The following SMO variants were observed in gnomAD, a reference collection of about 807,000 sequenced individuals.
The protein encoded by SMO is smoothened, frizzled class receptor, also known as protein smoothened.
In SMO, 40 loss-of-function variants were observed where a neutral mutation model predicts 81.6. The ratio of observed to expected loss-of-function variants is 0.49; its 90% CI spans 0.38 to 0.64. The LOEUF is 0.64. Ranked by LOEUF, SMO falls within the 30% of genes least tolerant of loss-of-function variation. SMO has a pLI of 0.00. For synonymous variants in SMO, 434 were observed against 432.1 expected, an observed-to-expected ratio of 1.00 and a Z score of -0.05; for missense variants, 916 against 1,061.1, an observed-to-expected ratio of 0.86 and a Z score of 1.90.
chr7:129,210,267 C>T lies in SMO; in HGVS notation c.1467-96C>T, dbSNP rs79893933. ...CTGCAGTGGGTTGTGATCACGCCAC[C>T]GCACTCTAGCCTGGGTGACAGAGCA... On this transcript the variant is annotated intron_variant, in intron 8 of 11. Transcript: ENST00000249373. The surrounding 1 kb of genome is among the most constrained non-coding windows in gnomAD (Gnocchi z 4.7). The T allele has an allele frequency of 9.6e-4, 1,003 of 1,042,502 alleles. 8 individuals carry two copies. The highest frequency in any genetic ancestry group is 8.8e-3 in the African/African-American group (561 of 63,520). 64.6% of individuals were successfully genotyped at this position (1,042,502 alleles called of 1,614,324 possible). A position where few individuals can be genotyped will look rare whatever the true frequency, so the allele number is the denominator to read the frequency against.
rs540111843 is a variant in SMO at position 129,211,679 on chromosome 7, C to T, written c.1845C>T (p.Ser615=). ...FDLNEPSADV[S]SAWAQHVTKM... Reference sequence around the variant, plus strand: ...TCAATGAGCCCTCAGCTGATGTCTCCTCTGCCTGGGCCCAGCATGTCACCA... The same window carrying T: ...TCAATGAGCCCTCAGCTGATGTCTCTTCTGCCTGGGCCCAGCATGTCACCA... The change falls in exon 11 of 12, where the codon TCC becomes TCT. Residue 615 remains serine, a synonymous_variant. Transcript: ENST00000249373. The surrounding 1 kb of genome is among the most constrained non-coding windows in gnomAD (Gnocchi z 4.6). The T allele has an allele frequency of 9.9e-6, 16 of 1,613,654 alleles. No individual in the cohort carries two copies. In the Admixed American group the frequency reaches 1.8e-4, roughly 18 times the overall value.
intron 1 of SMO, among the ~76,000 whole-genome samples, chr7:129,199,756 A>T (rs928677384): frequency 6.6e-6 from 1 of 152,170 alleles, no homozygotes; most frequent in African/African-American, 2.4e-5. Context: ...AAAAATAAAA[A>T]AAACATAAAG....
Position 129,209,374 on chromosome 7 carries a change from G to A in SMO, c.1443G>A (p.Glu481=), listed in dbSNP as rs2150652934. The A allele has an allele frequency of 6.2e-7, 1 of 1,612,792 alleles. No homozygotes were observed. Among genetic ancestry groups the A allele is most frequent in the Non-Finnish European group, 8.5e-7 (1 of 1,178,740 alleles). The part of the protein sequence containing the change: ...FYDFFNQAEW[E]RSFRDYVLCQ... ...ACTTCTTCAACCAGGCTGAGTGGGA[G>A]CGCAGCTTCCGGGACTATGTGCTGT... Residue 481 remains glutamate, a synonymous_variant, in exon 8 of 12, where the codon GAG becomes GAA. Transcript: ENST00000249373.
intron 1 of SMO, among the ~76,000 whole-genome samples, chr7:129,196,215 C>T (rs1251309472): frequency 6.6e-6 from 1 of 151,266 alleles, no homozygotes; most frequent in Non-Finnish European, 1.5e-5. Context: ...AATTTTTTTC[C>T]CATTGAAATT....
At position 129,206,252 on chromosome 7, in the gene SMO, T is replaced by C. The variant is rs2150650072; in HGVS notation, c.1023T>C (p.Thr341=). 6.2e-7 allele frequency: 1 copy of C among 1,614,206 alleles called. No homozygotes were observed. The highest frequency in any genetic ancestry group is 8.5e-7 in the Non-Finnish European group (1 of 1,180,024). Residue 341 remains threonine, a synonymous_variant, in exon 5 of 12, where the codon ACT becomes ACC. Transcript: ENST00000249373. This position sits in a 1 kb window ranked among gnomAD's most constrained non-coding sequence, Gnocchi z 4.4. ...TGGTCCTCACCTATGCCTGGCACAC[T>C]TCCTTCAAAGCCCTGGGCACCACCT... ...WFVVLTYAWH[T]SFKALGTTYQ... is the part of the protein sequence containing the mutation.
At chr7:129,200,131 T>C (rs550590662) in intron 1 of SMO, among the ~76,000 whole-genome samples, 7 of 152,164 alleles carry the variant, frequency 4.6e-5, no homozygotes, top group Non-Finnish European at 7.3e-5. Context: ...GTTTAAAAAA[T>C]CATTTCCTGG....
chr7:129,198,002 C>A (rs1771908509), intron 1 of SMO, among the ~76,000 whole-genome samples: 2 of 151,896 alleles, frequency 1.3e-5, no homozygotes, highest in South Asian at 4.2e-4. Flanking sequence ...AGCTGATATC[C>A]CCTCTCTTTC....
rs2150646984 is a variant in SMO, at chr7:129,203,597, C to G, written c.537+8C>G. The G allele has an allele frequency of 6.3e-7, 1 of 1,591,630 alleles. No individual in the cohort carries two copies. Among genetic ancestry groups the G allele is most frequent in the Non-Finnish European group, 8.5e-7 (1 of 1,174,998 alleles). The stretch of plus-strand genomic sequence containing the variant: ...TTCCCTGAAGGCTGCACGGTGAGTG[C>G]TCTGTGAGACAAGGTCCAGGCTCTC... On this transcript the variant is annotated splice_region_variant and intron_variant, in intron 2 of 11. Transcript: ENST00000249373.
rs1793894283 is a variant in SMO at position 129,212,506 on chromosome 7, C to G, written c.*55C>G. 2.0e-6 allele frequency: 3 copies of G among 1,511,810 alleles called. No homozygotes were observed. The highest frequency in any genetic ancestry group is 1.4e-5 in the African/African-American group (1 of 72,402). The allele number at this position is 1,511,810 out of a possible 1,614,324, so 93.6% of individuals were successfully genotyped here. A position where few individuals can be genotyped will look rare whatever the true frequency, so the allele number is the denominator to read the frequency against. On this transcript the variant is annotated 3_prime_UTR_variant, in exon 12 of 12. Coordinates refer to ENST00000249373, the MANE Select transcript of SMO (RefSeq NM_005631.5). The surrounding 1 kb of genome is among the most constrained non-coding windows in gnomAD (Gnocchi z 5.0). Reference sequence around the variant, plus strand: ...GAGAGGAACCAATACCTTCAAGGCTCTTCTTCCTCACCGAGCATGCTTCCC... The same window carrying G: ...GAGAGGAACCAATACCTTCAAGGCTGTTCTTCCTCACCGAGCATGCTTCCC...
At position 129,212,263 on chromosome 7, in the gene SMO, C is replaced by T. The variant is rs372847405; in HGVS notation, c.2176C>T (p.Arg726Ter). ...TGCCTGGGGAGCTGGGGACTCTTGC[C>T]GACAGGGAGCGTGGACCCTGGTCTC... ...AGAWGAGDSC[R>*]QGAWTLVSNP... The change falls in exon 12 of 12, where the codon CGA becomes TGA. Residue 726 changes from arginine to a stop codon, truncating the protein, a stop_gained. Coordinates refer to ENST00000249373, the MANE Select transcript of SMO (RefSeq NM_005631.5). LOFTEE classifies it high-confidence loss of function. This position sits in a 1 kb window ranked among gnomAD's most constrained non-coding sequence, Gnocchi z 5.0. The T allele has an allele frequency of 2.0e-5, 32 of 1,609,164 alleles. No homozygotes were observed. Among genetic ancestry groups the T allele is most frequent in the Admixed American group, 5.1e-5 (3 of 58,938 alleles).
intron 1 of SMO, among the ~76,000 whole-genome samples, chr7:129,200,497 A>G (rs572771772): frequency 6.6e-6 from 1 of 152,204 alleles, no homozygotes; most frequent in East Asian, 1.9e-4. Flanking sequence ...TTTTTTATCC[A>G]TCTGGACTTT....
intron 7 of SMO, 176 bp from the exon 8 acceptor site, chr7:129,209,113 T>G: frequency 3.3e-6 from 2 of 611,730 alleles, no homozygotes; most frequent in South Asian, 4.0e-5. Flanking sequence ...CACAGTTGCT[T>G]CAAGTGCCCT....
At position 129,205,705 on chromosome 7, in the gene SMO, G is replaced by T. The variant is rs770949067; in HGVS notation, c.843G>T (p.Trp281Cys). 6.2e-7 allele frequency: 1 copy of T among 1,613,286 alleles called. No individual in the cohort carries two copies. ...GCTTCTTTGTGGGCAGCATTGGCTG[G>T]CTGGCCCAGTTCATGGATGGTGCCC... is the stretch of plus-strand genomic sequence containing the variant. ...NACFFVGSIG[W>C]LAQFMDGARR... Residue 281 changes from tryptophan to cysteine, a missense_variant, in exon 4 of 12, where the codon TGG becomes TGT. Trp to Cys is a radical substitution (Grantham distance 215, BLOSUM62 -2). This residue lies in a region of SMO where 436 missense variants were observed against 570.9 expected (regional missense o/e 0.76). Coordinates refer to ENST00000249373, the MANE Select transcript of SMO (RefSeq NM_005631.5).
Position 129,211,696 on chromosome 7 carries a change from A to G in SMO, c.1862A>G (p.His621Arg). Residue 621 changes from histidine (H) to arginine (R), a missense_variant, in exon 11 of 12, where the codon CAT becomes CGT. This residue lies in a region of SMO where 324 missense variants were observed against 312.9 expected (regional missense o/e 1.04). Transcript: ENST00000249373. This position sits in a 1 kb window ranked among gnomAD's most constrained non-coding sequence, Gnocchi z 4.6. ...GATGTCTCCTCTGCCTGGGCCCAGCATGTCACCAAGATGGTGGCTCGGAGA... is the reference window on the plus strand; with the variant it reads ...GATGTCTCCTCTGCCTGGGCCCAGCGTGTCACCAAGATGGTGGCTCGGAGA... The part of the protein sequence containing the change: ...SADVSSAWAQ[H>R]VTKMVARRGA... 3.1e-6 allele frequency: 5 copies of G among 1,613,830 alleles called. No homozygotes were observed. In the South Asian group the frequency reaches 4.4e-5, roughly 14 times the overall value.
At chr7:129,200,035 C>A (rs1455775217) in intron 1 of SMO, among the ~76,000 whole-genome samples, 1 of 152,034 alleles carries the variant, frequency 6.6e-6, no homozygotes, top group Non-Finnish European at 1.5e-5. Context: ...ATTTTTGTAT[C>A]GATTTTTCTG....
intron 1 of SMO, among the ~76,000 whole-genome samples, chr7:129,193,961 A>C (rs757211459): frequency 8.7e-5 from 13 of 149,174 alleles, no homozygotes; most frequent in Non-Finnish European, 1.8e-4. Context: ...TTAGCCGGGC[A>C]TGTTGGCACA....
chr7:129,208,155 A>G lies in SMO; in HGVS notation c.1265-604A>G, dbSNP rs985358972. On this transcript the variant is annotated intron_variant, in intron 6 of 11. Coordinates refer to ENST00000249373, the MANE Select transcript of SMO (RefSeq NM_005631.5). This position sits in a 1 kb window ranked among gnomAD's most constrained non-coding sequence, Gnocchi z 5.2. ...GAAATTTGCCATATGTATGTGGCTC[A>G]CATATTTCTATGGGAAGGCCGGCAT... Among the ~76,000 whole-genome samples, 1 of 152,032 alleles carries G rather than the reference A, an allele frequency of 6.6e-6. No individual in the cohort carries two copies. The highest frequency in any genetic ancestry group is 2.4e-5 in the African/African-American group (1 of 41,402).
chr7:129,205,601 C>A lies in SMO; in HGVS notation c.748-9C>A, dbSNP rs575373580. On this transcript the variant is annotated splice_polypyrimidine_tract_variant and intron_variant, in intron 3 of 11. Transcript: ENST00000249373. ...TAACCTCACAGAATGGCCCACTTCT[C>A]TCTTCTAGGCCACATTCGTGGCTGA... The A allele has an allele frequency of 1.2e-6, 2 of 1,610,200 alleles. No individual in the cohort carries two copies. The highest frequency in any genetic ancestry group is 1.7e-6 in the Non-Finnish European group (2 of 1,176,672).
At position 129,189,536 on chromosome 7, in the gene SMO, G is replaced by A; in HGVS notation, c.331+54G>A. The A allele has an allele frequency of 7.9e-6, 12 of 1,525,104 alleles. No homozygotes were observed. Among genetic ancestry groups the A allele is most frequent in the Non-Finnish European group, 1.1e-5 (12 of 1,139,758 alleles). The allele number at this position is 1,525,104 out of a possible 1,614,324, so 94.5% of individuals were successfully genotyped here. On this transcript the variant is annotated intron_variant, in intron 1 of 11. Transcript: ENST00000249373. This position sits in a 1 kb window ranked among gnomAD's most constrained non-coding sequence, Gnocchi z 4.7. ...GCGGGAGGTGCCGCGGTAAGATGGGGGCACCCTTGGAAAGAACAGGCTCAG... is the reference window on the plus strand; with the variant it reads ...GCGGGAGGTGCCGCGGTAAGATGGGAGCACCCTTGGAAAGAACAGGCTCAG...
Sources: gnomAD v4.1 joint callset for allele counts (sites outside exome capture counted in the v4.1 genomes callset) on GRCh38, gnomAD v4.1.1 for gene constraint, gnomAD v4.1.1 regional missense constraint, Gnocchi (gnomAD v3.1) non-coding constraint, MANE v1.5 for transcripts, NCBI Gene and HGNC (gene_info 2026-07-23, HGNC 2026-07-21) for gene names.